Variants in LARGE1 observed in about 807,000 individuals in gnomAD.
The protein encoded by LARGE1 is xylosyl- and glucuronyltransferase LARGE1.
In LARGE1, 43 loss-of-function variants were observed where a neutral mutation model predicts 87.6. That is an observed-to-expected ratio of 0.49 (90% CI 0.38 to 0.63). The LOEUF is 0.63. Ranked by LOEUF, LARGE1 falls within the 30% of genes least tolerant of loss-of-function variation. LARGE1 has a pLI of 0.00. For synonymous variants in LARGE1, 434 were observed against 394.6 expected, an observed-to-expected ratio of 1.10 and a Z score of -1.18; for missense variants, 802 against 1,000.2, an observed-to-expected ratio of 0.80 and a Z score of 2.67.
chr22:33,710,355 C>G (rs975937508), intron 2 of LARGE1, among the ~76,000 whole-genome samples: 12 of 152,126 alleles, frequency 7.9e-5, no homozygotes, highest in Non-Finnish European at 1.2e-4. Flanking sequence ...AAAATGAAAA[C>G]TGGAAGAATT....
At chr22:33,289,012 G>A (rs1311911425) in intron 12 of LARGE1, among the ~76,000 whole-genome samples, 1 of 152,074 alleles carries the variant, frequency 6.6e-6, no homozygotes, top group East Asian at 1.9e-4. Flanking sequence ...AGGCTGGAGT[G>A]CGGTGGTGCG....
At chr22:33,514,949 C>T (rs903343883) in intron 6 of LARGE1, among the ~76,000 whole-genome samples, 2 of 152,238 alleles carry the variant, frequency 1.3e-5, no homozygotes, top group African/African-American at 4.8e-5. Flanking sequence ...ATGAACCAGG[C>T]ACTGTGCTAA....
At chr22:33,438,640 G>C (rs550183852) in intron 6 of LARGE1, among the ~76,000 whole-genome samples, 166 of 140,300 alleles carry the variant, frequency 1.2e-3, no homozygotes, top group Non-Finnish European at 1.9e-3. Context: ...CCTGCTGCTC[G>C]GGAGGTGAGA....
At chr22:33,888,505 G>A (rs2064919514) in intron 1 of LARGE1, among the ~76,000 whole-genome samples, 2 of 152,102 alleles carry the variant, frequency 1.3e-5, no homozygotes, top group African/African-American at 4.8e-5. Context: ...ATCACACACG[G>A]GGGAGGTGGG....
intron 2 of LARGE1, among the ~76,000 whole-genome samples, chr22:33,742,546 C>T (rs1343618905): frequency 1.3e-5 from 2 of 152,132 alleles, no homozygotes; most frequent in African/African-American, 2.4e-5. Context: ...TCAGGGGACC[C>T]CTCCAAGGCC....
rs879854219 is a variant in LARGE1, at chr22:33,183,622, A to ACACACG, written c.1731-16791_1731-16790insCGTGTG. The stretch of plus-strand genomic sequence containing the variant: ...ATAAAACACACACACACACACACGC[A>ACACACG]CACACACACACACACACACACACAC... On this transcript the variant is annotated intron_variant, in intron 11 of 11. Coordinates refer to the LARGE1 transcript ENST00000608642. Among the ~76,000 whole-genome samples, 735 of 92,646 alleles carry ACACACG rather than the reference A, an allele frequency of 7.9e-3. 8 individuals are homozygous for ACACACG. The highest frequency in any genetic ancestry group is 0.037 in the Middle Eastern group (7 of 188). The allele number at this position is 92,646 out of a possible 152,430, so 60.8% of individuals were successfully genotyped here.
At chr22:33,717,322 G>C (rs576425785) in intron 2 of LARGE1, among the ~76,000 whole-genome samples, 1 of 152,310 alleles carries the variant, frequency 6.6e-6, no homozygotes, top group Admixed American at 6.5e-5. Context: ...GAGTGCTTCT[G>C]ACTGATTCTG....
chr22:33,190,543 G>T (rs1923720668), intron 11 of LARGE1, among the ~76,000 whole-genome samples: 1 of 152,114 alleles, frequency 6.6e-6, no homozygotes, highest in East Asian at 1.9e-4. Context: ...CAAAACCAAA[G>T]TGGTACACAC....
intron 10 of LARGE1, among the ~76,000 whole-genome samples, chr22:33,329,315 A>AT (rs5845079): frequency 5.3e-4 from 80 of 151,338 alleles, no homozygotes; most frequent in Non-Finnish European, 7.7e-4. Context: ...TGTCCAGTGT[A>AT]TTTTTTTTTT....
At chr22:33,907,584 A>G (rs1469402275) in intron 1 of LARGE1, among the ~76,000 whole-genome samples, 1 of 135,798 alleles carries the variant, frequency 7.4e-6, no homozygotes, top group South Asian at 2.3e-4. Flanking sequence ...TTTTTTTTTG[A>G]GACAGAGTCT....
At chr22:33,135,177 C>T in the LARGE1 span, among the ~76,000 whole-genome samples, 7 of 152,310 alleles carry the variant, frequency 4.6e-5, no homozygotes, top group South Asian at 1.5e-3. Flanking sequence ...AAGTCATTTC[C>T]TTTCCAGGTT....
intron 4 of LARGE1, among the ~76,000 whole-genome samples, chr22:33,624,269 A>C (rs1483583645): frequency 6.6e-6 from 1 of 152,218 alleles, no homozygotes; most frequent in African/African-American, 2.4e-5. Context: ...CTAGGGACAC[A>C]GAAAATGACG....
chr22:33,392,755 T>C (rs1003384758), intron 7 of LARGE1, among the ~76,000 whole-genome samples: 2 of 152,046 alleles, frequency 1.3e-5, no homozygotes, highest in African/African-American at 4.8e-5. Context: ...AGTGGAAGAG[T>C]ATCCACCAGT....
the LARGE1 span, among the ~76,000 whole-genome samples, chr22:33,104,941 T>A: frequency 7.4e-6 from 1 of 135,604 alleles, no homozygotes; most frequent in Non-Finnish European, 1.6e-5. Flanking sequence ...CTTTCTTTCT[T>A]TCTTTCTCTT....
In LARGE1 at chr22:33,277,019, C is replaced by T. The variant is rs889031360; in HGVS notation, c.2073+41G>A. The T allele has an allele frequency of 9.4e-6, 15 of 1,587,498 alleles. No homozygotes were observed. In the Admixed American group the frequency reaches 1.7e-4, roughly 18 times the overall value. ...CTTAAGCTCTAGGATCTAGGCCTCT[C>T]CCCCGTCGACCATACCAGGTGGATG... On this transcript the variant is annotated intron_variant, in intron 14 of 14. Coordinates refer to ENST00000397394, the MANE Select transcript of LARGE1 (RefSeq NM_133642.5).
intron 6 of LARGE1, among the ~76,000 whole-genome samples, chr22:33,549,625 G>A (rs2077466009): frequency 6.6e-6 from 1 of 152,214 alleles, no homozygotes; most frequent in South Asian, 2.1e-4. Flanking sequence ...AAAATTCACA[G>A]TTCATGCATC....
At chr22:33,190,863 C>T (rs1221709855) in intron 11 of LARGE1, among the ~76,000 whole-genome samples, 1 of 152,226 alleles carries the variant, frequency 6.6e-6, no homozygotes, top group Non-Finnish European at 1.5e-5. Flanking sequence ...CTTTTCTAGT[C>T]AAGGCTCAAC....
downstream of LARGE1, among the ~76,000 whole-genome samples, chr22:33,160,612 T>A (rs887991619): frequency 2.8e-4 from 43 of 152,384 alleles, no homozygotes; most frequent in Middle Eastern, 3.4e-3. Context: ...CTCTGTGTTG[T>A]CATGTGAGTG....
intron 1 of LARGE1, among the ~76,000 whole-genome samples, chr22:33,907,569 C>CTTTT (rs34936785): frequency 6.8e-6 from 1 of 146,148 alleles, no homozygotes; most frequent in African/African-American, 2.5e-5. Flanking sequence ...GAAGACATTT[C>CTTTT]TTTTTTTTTT....
Sources: gnomAD v4.1 joint callset for allele counts (sites outside exome capture counted in the v4.1 genomes callset) on GRCh38, gnomAD v4.1.1 for gene constraint, MANE v1.5 for transcripts, NCBI Gene and HGNC (gene_info 2026-07-23, HGNC 2026-07-21) for gene names.